EYA1: variants seen among roughly 807,000 people sequenced by gnomAD.
EYA1 encodes EYA transcriptional coactivator and phosphatase 1, also known as protein phosphatase EYA1.
A neutral mutation model predicts 82.0 loss-of-function variants in EYA1; 16 were observed. The observed-to-expected ratio is 0.20, with a 90% CI of 0.13 to 0.30. EYA1 has a LOEUF of 0.30. Among genes scored for constraint, EYA1 ranks in the 10% least tolerant of loss-of-function variants. The probability of loss-of-function intolerance (pLI) is 1.00; values close to 1 mark genes in which losing one functional copy is unlikely to be tolerated. For synonymous variants in EYA1, 261 were observed against 264.4 expected (o/e 0.99, Z 0.12); for missense variants, 633 against 730.7 (o/e 0.87, Z 1.54).
chr8:71,224,166 G>T (rs1585858956), intron 12 of EYA1, among the ~76,000 whole-genome samples: 1 of 152,156 alleles, frequency 6.6e-6, no homozygotes, highest in African/African-American at 2.4e-5. Context: ...TTATAAAAGG[G>T]AATAATATGA....
At chr8:71,495,593 C>A (rs1266249080) in intron 2 of EYA1, among the ~76,000 whole-genome samples, 1 of 152,162 alleles carries the variant, frequency 6.6e-6, no homozygotes, top group Non-Finnish European at 1.5e-5. Context: ...GCCTGGGCGA[C>A]AGACCAAGAC....
chr8:71,543,483 T>C (rs961185330), intron 1 of EYA1, among the ~76,000 whole-genome samples: 8 of 152,332 alleles, frequency 5.3e-5, no homozygotes, highest in African/African-American at 1.4e-4. Context: ...AACCTTTTTT[T>C]CCCAGTACCA....
Position 71,378,576 on chromosome 8 carries a change from A to T in EYA1, c.34-22065T>A, listed in dbSNP as rs1008571891. 9.6e-4 allele frequency among the ~76,000 whole-genome samples: 146 copies of T among 152,200 alleles called. 1 individual carries two copies. Among genetic ancestry groups the T allele is most frequent in the Admixed American group, 9.5e-3 (145 of 15,272 alleles). On this transcript the variant is annotated intron_variant, in intron 2 of 18. Coordinates refer to the EYA1 transcript ENST00000643681. ...CAGGAATATACAGTAACAAGGTTTTAAAAAATAAGGAAGTATATATGGGTT... is the reference window on the plus strand; with the variant it reads ...CAGGAATATACAGTAACAAGGTTTTTAAAAATAAGGAAGTATATATGGGTT...
At chr8:71,302,678 C>A (rs537294537) in intron 7 of EYA1, among the ~76,000 whole-genome samples, 1 of 141,658 alleles carries the variant, frequency 7.1e-6, no homozygotes, top group African/African-American at 2.5e-5. Context: ...GAATCAAGTT[C>A]GCAGGGCCAC....
At chr8:71,232,520 G>A (rs1401045861) in intron 12 of EYA1, among the ~76,000 whole-genome samples, 1 of 152,188 alleles carries the variant, frequency 6.6e-6, no homozygotes, top group African/African-American at 2.4e-5. Flanking sequence ...ACACTGTGAC[G>A]GGAACCAGAT....
At chr8:71,472,210 G>C (rs149524717) in intron 2 of EYA1, among the ~76,000 whole-genome samples, 2 of 152,178 alleles carry the variant, frequency 1.3e-5, no homozygotes, top group Non-Finnish European at 2.9e-5. Context: ...TTAAAACAAG[G>C]CATTCAGCCA....
At chr8:71,356,587 T>C (rs1432724749) in intron 1 of EYA1, 76 bp from the exon 2 acceptor site, 5 of 1,503,062 alleles carry the variant, frequency 3.3e-6, no homozygotes, top group Non-Finnish European at 4.4e-6. Flanking sequence ...ACAGAGCACA[T>C]GGCTGAGAAC....
chr8:71,218,792 G>T (rs1585830375), intron 12 of EYA1, among the ~76,000 whole-genome samples: 1 of 151,872 alleles, frequency 6.6e-6, no homozygotes, highest in South Asian at 2.1e-4. Flanking sequence ...TTTTTATGTT[G>T]TAAAACTTCT....
chr8:71,248,399 CTT>C (rs1813359065), intron 11 of EYA1, among the ~76,000 whole-genome samples: 2 of 152,202 alleles, frequency 1.3e-5, no homozygotes, highest in Admixed American at 6.5e-5. Context: ...AAGAATCTCT[CTT>C]ATGTGCACAC....
intron 2 of EYA1, among the ~76,000 whole-genome samples, chr8:71,521,085 A>AT (rs1174301937): frequency 7.2e-5 from 11 of 151,982 alleles, no homozygotes; most frequent in Non-Finnish European, 1.5e-5. Flanking sequence ...AAAAATCTTT[A>AT]TTTTTTTCTA....
intron 12 of EYA1, among the ~76,000 whole-genome samples, chr8:71,224,835 T>C (rs1052890826): frequency 6.6e-6 from 1 of 152,214 alleles, no homozygotes; most frequent in African/African-American, 2.4e-5. Context: ...TTTTTCGAAA[T>C]AACTCTCAAC....
At chr8:71,341,165 G>A (rs1226749169) in intron 3 of EYA1, among the ~76,000 whole-genome samples, 1 of 152,086 alleles carries the variant, frequency 6.6e-6, no homozygotes, top group South Asian at 2.1e-4. Context: ...TAAAAAGAAA[G>A]GTAAATAAAT....
chr8:71,364,337 T>G (rs889839052), upstream of EYA1, among the ~76,000 whole-genome samples: 5 of 152,018 alleles, frequency 3.3e-5, no homozygotes, highest in African/African-American at 1.2e-4. Flanking sequence ...CTTTTGAATA[T>G]CCAATATGTA....
intron 2 of EYA1, among the ~76,000 whole-genome samples, chr8:71,402,147 A>G (rs1382575162): frequency 6.6e-6 from 1 of 152,174 alleles, no homozygotes; most frequent in African/African-American, 2.4e-5. Context: ...GCCATTTGAG[A>G]ACCAGATGCA....
chr8:71,235,884 C>T (rs1412167828), intron 12 of EYA1, among the ~76,000 whole-genome samples: 2 of 152,116 alleles, frequency 1.3e-5, no homozygotes, highest in African/African-American at 4.8e-5. Context: ...TAAATATTAC[C>T]TTTAATATGT....
At chr8:71,308,091 A>G (rs530474648) in intron 7 of EYA1, among the ~76,000 whole-genome samples, 1 of 152,284 alleles carries the variant, frequency 6.6e-6, no homozygotes, top group East Asian at 1.9e-4. Context: ...TAGAGGATGG[A>G]TAAGGTGACC....
intron 2 of EYA1, among the ~76,000 whole-genome samples, chr8:71,439,111 G>A (rs1311410493): frequency 2.0e-5 from 3 of 152,052 alleles, no homozygotes; most frequent in Non-Finnish European, 4.4e-5. Flanking sequence ...AACCACCTAG[G>A]CCAGTAAAGG....
intron 11 of EYA1, among the ~76,000 whole-genome samples, chr8:71,256,158 C>CA (rs918267207): frequency 1.6e-3 from 237 of 152,146 alleles, no homozygotes; most frequent in African/African-American, 5.5e-3. Flanking sequence ...AGCAGTTTCT[C>CA]AAAAAATTAA....
chr8:71,276,296 C>T (rs907586110), intron 9 of EYA1, among the ~76,000 whole-genome samples: 4 of 152,078 alleles, frequency 2.6e-5, no homozygotes, highest in African/African-American at 9.7e-5. Flanking sequence ...TCTTCCATGG[C>T]CCTCTTATCC....
Sources: gnomAD v4.1 joint callset for allele counts (sites outside exome capture counted in the v4.1 genomes callset) on GRCh38, gnomAD v4.1.1 for gene constraint, MANE v1.5 for transcripts, NCBI Gene and HGNC (gene_info 2026-07-23, HGNC 2026-07-21) for gene names.